CD109: variants seen among roughly 807,000 people sequenced by gnomAD.
The protein encoded by CD109 is CD109 antigen.
A neutral mutation model predicts 165.8 loss-of-function variants in CD109; 149 were observed. The ratio of observed to expected loss-of-function variants is 0.90; its 90% CI spans 0.79 to 1.03. The LOEUF is 1.03. CD109 is among the 50% of genes least tolerant of loss of function. The pLI is 0.00. For missense variants in CD109, 1,712 were observed against 1,677.8 expected, an observed-to-expected ratio of 1.02 and a Z score of -0.36; for synonymous variants, 585 against 592.1, an observed-to-expected ratio of 0.99 and a Z score of 0.18.
chr6:73,735,512 C>T (rs1285529248), intron 4 of CD109, among the ~76,000 whole-genome samples: 1 of 151,464 alleles, frequency 6.6e-6, no homozygotes, highest in Non-Finnish European at 1.5e-5. Flanking sequence ...ATATATTAAC[C>T]TAACAAAGTT....
intron 23 of CD109, among the ~76,000 whole-genome samples, chr6:73,793,085 CT>C (rs2150271093): frequency 6.6e-6 from 1 of 152,296 alleles, no homozygotes; most frequent in East Asian, 1.9e-4. Flanking sequence ...AAATTTAAAA[CT>C]CTTTAAAAAT....
rs535980833 is a variant in CD109, at chr6:73,779,921, ATGT to A, written c.1828-499_1828-497del. On this transcript the variant is annotated intron_variant, in intron 15 of 32. Transcript: ENST00000287097. ...TTTTTGAAAAAACCGTATCTCATGG[ATGT>A]TGTCATTTGCATTGCTTTGATTATC... 1.5e-3 allele frequency among the ~76,000 whole-genome samples: 226 copies of A among 151,384 alleles called. 2 individuals carry two copies. Among genetic ancestry groups the A allele is most frequent in the African/African-American group, 5.3e-3 (219 of 41,298 alleles).
intron 22 of CD109, among the ~76,000 whole-genome samples, chr6:73,791,158 T>TATATATACACACATACAC (rs1562070914): frequency 3.4e-5 from 1 of 29,270 alleles, no homozygotes; most frequent in African/African-American, 1.3e-4. Flanking sequence ...TATATATATA[T>TATATATACACACATACAC]ATATATATAT....
chr6:73,809,668 T>G (rs1344650543), intron 26 of CD109, among the ~76,000 whole-genome samples: 1 of 152,098 alleles, frequency 6.6e-6, no homozygotes, highest in Non-Finnish European at 1.5e-5. Context: ...GATTTTGGAA[T>G]GTATGTATGC....
At chr6:73,705,683 G>C (rs1370446804) in intron 2 of CD109, among the ~76,000 whole-genome samples, 7 of 152,056 alleles carry the variant, frequency 4.6e-5, no homozygotes, top group African/African-American at 1.4e-4. Flanking sequence ...AATCAGAGAA[G>C]GGTAAATTGA....
intron 23 of CD109, among the ~76,000 whole-genome samples, chr6:73,799,208 A>T (rs1775277211): frequency 6.6e-6 from 1 of 152,198 alleles, no homozygotes; most frequent in African/African-American, 2.4e-5. Flanking sequence ...GTGAAAACTA[A>T]AACATGATAA....
At chr6:73,817,589 C>G (rs1467958451) in intron 30 of CD109, among the ~76,000 whole-genome samples, 1 of 152,226 alleles carries the variant, frequency 6.6e-6, no homozygotes, top group East Asian at 1.9e-4. Flanking sequence ...CAGGTACTAA[C>G]TTAATGCTAT....
intron 26 of CD109, among the ~76,000 whole-genome samples, chr6:73,809,140 A>T (rs1017729154): frequency 3.7e-4 from 56 of 152,142 alleles, no homozygotes; most frequent in African/African-American, 1.3e-3. Context: ...CTAAATAGTA[A>T]TATTTGAGAG....
At position 73,815,139 on chromosome 6, in the gene CD109, G is replaced by C; in HGVS notation, c.3911+16G>C. ...TGTGTACAAGGTAAGTGTCTGCTTA[G>C]GTCTCTCTTCTTTTTTTCCTTTAAA... On this transcript the variant is annotated intron_variant, in intron 30 of 32. Transcript: ENST00000287097. 3 of 1,546,166 alleles carry C rather than the reference G, an allele frequency of 1.9e-6. No homozygotes were observed. The highest frequency in any genetic ancestry group is 2.6e-6 in the Non-Finnish European group (3 of 1,157,272).
chr6:73,763,545 T>G, intron 9 of CD109, 31 bp from the exon 10 acceptor site: 1 of 1,248,826 alleles, frequency 8.0e-7, no homozygotes, highest in Non-Finnish European at 1.2e-6. Context: ...ACATTACTTT[T>G]GCTTTCTAAA....
intron 15 of CD109, among the ~76,000 whole-genome samples, chr6:73,773,798 T>C (rs1201824211): frequency 1.3e-5 from 2 of 152,174 alleles, no homozygotes; most frequent in Non-Finnish European, 2.9e-5. Flanking sequence ...CATTTTTTAA[T>C]TGTGGAAATC....
intron 5 of CD109, among the ~76,000 whole-genome samples, chr6:73,751,121 A>C (rs1382267270): frequency 6.6e-6 from 1 of 152,168 alleles, no homozygotes; most frequent in Non-Finnish European, 1.5e-5. Context: ...AGGGGTAACA[A>C]AATTCTCATC....
chr6:73,738,004 G>T (rs1772612097), intron 5 of CD109, among the ~76,000 whole-genome samples: 1 of 152,076 alleles, frequency 6.6e-6, no homozygotes, highest in African/African-American at 2.4e-5. Flanking sequence ...GGACTTTATG[G>T]CTGTGATGAA....
the CD109 span, among the ~76,000 whole-genome samples, chr6:73,683,668 C>G: frequency 6.6e-6 from 1 of 152,186 alleles, no homozygotes; most frequent in Admixed American, 6.5e-5. Flanking sequence ...CTGATAAAGA[C>G]ATACCCGAGA....
chr6:73,764,493 A>C lies in CD109; in HGVS notation c.1107+808A>C, dbSNP rs995856605. On this transcript the variant is annotated intron_variant, in intron 10 of 32. Transcript: ENST00000287097. ...ATACTGGATTGGCCTATCAGCTTGCAGTAGTTGGCTGATCTCTGATTTAAA... is the reference window on the plus strand; with the variant it reads ...ATACTGGATTGGCCTATCAGCTTGCCGTAGTTGGCTGATCTCTGATTTAAA... Among the ~76,000 whole-genome samples, 26 of 152,212 alleles carry C rather than the reference A, an allele frequency of 1.7e-4. 1 individual carries two copies. Among genetic ancestry groups the C allele is most frequent in the Non-Finnish European group, 1.5e-5 (1 of 68,030 alleles).
intron 31 of CD109, 136 bp from the exon 32 acceptor site, chr6:73,820,325 T>C (rs911207756): frequency 7.1e-6 from 4 of 560,688 alleles, no homozygotes; most frequent in Non-Finnish European, 3.2e-6. Context: ...AAGTACTTAC[T>C]GCAGTATCTG....
chr6:73,796,659 C>T (rs956839927), intron 23 of CD109, among the ~76,000 whole-genome samples: 1 of 152,156 alleles, frequency 6.6e-6, no homozygotes, highest in African/African-American at 2.4e-5. Context: ...TAACTTATTA[C>T]CAATATTAAC....
intron 2 of CD109, among the ~76,000 whole-genome samples, chr6:73,718,421 C>G (rs1771823921): frequency 6.6e-6 from 1 of 151,598 alleles, no homozygotes; most frequent in South Asian, 2.1e-4. Flanking sequence ...GAGGTGTGTT[C>G]CTTCTATATG....
chr6:73,816,275 T>A (rs183746706), intron 30 of CD109, among the ~76,000 whole-genome samples: 1 of 152,318 alleles, frequency 6.6e-6, no homozygotes, highest in East Asian at 1.9e-4. Context: ...ACTCCAATTA[T>A]TTTTTACGAA....
Sources: gnomAD v4.1 joint callset for allele counts (sites outside exome capture counted in the v4.1 genomes callset) on GRCh38, gnomAD v4.1.1 for gene constraint, MANE v1.5 for transcripts, NCBI Gene and HGNC (gene_info 2026-07-23, HGNC 2026-07-21) for gene names.